Variants in HCLS1 observed in about 807,000 individuals in gnomAD.
HCLS1 encodes hematopoietic cell-specific Lyn substrate 1.
A neutral mutation model predicts 68.6 loss-of-function variants in HCLS1; 44 were observed. The observed-to-expected ratio is 0.64, with a 90% CI of 0.50 to 0.82. HCLS1 has a LOEUF of 0.82. Ranked by LOEUF, HCLS1 falls within the 40% of genes least tolerant of loss-of-function variation. HCLS1 has a pLI of 0.00. For synonymous variants in HCLS1, 217 were observed against 225.8 expected, an observed-to-expected ratio of 0.96 and a Z score of 0.35; for missense variants, 602 against 612.1, an observed-to-expected ratio of 0.98 and a Z score of 0.17.
intron 6 of HCLS1, among the ~76,000 whole-genome samples, chr3:121,640,838 A>C (rs1200063844): frequency 3.3e-5 from 1 of 30,260 alleles, no homozygotes; most frequent in African/African-American, 1.2e-4. Context: ...AGGGGACGGG[A>C]GGGCAGGGCA....
rs759037096 is a variant in HCLS1 at position 121,647,391 on chromosome 3, C to T, written c.216G>A (p.Glu72=). Residue 72 remains glutamate (E), a synonymous_variant, in exon 4 of 14, where the codon GAG becomes GAA. Transcript: ENST00000314583. ...GGGATGCTTTGGGCCCTGACTCCAT[C>T]TCTTTCTTCCTGAGAACATCATGCT... ...SEEHDVLRKK[E]MESGPKASHG... is the part of the protein sequence containing the mutation. 1 of 1,614,120 alleles carries T rather than the reference C, an allele frequency of 6.2e-7. No homozygotes were observed. The highest frequency in any genetic ancestry group is 8.5e-7 in the Non-Finnish European group (1 of 1,179,980).
chr3:121,660,523 A>G (rs1187312155), intron 1 of HCLS1, among the ~76,000 whole-genome samples: 1 of 152,128 alleles, frequency 6.6e-6, no homozygotes, highest in African/African-American at 2.4e-5. Flanking sequence ...CTCAGTACCT[A>G]GGGGAGACAG....
chr3:121,638,163 C>T (rs768390845), intron 6 of HCLS1, among the ~76,000 whole-genome samples: 2 of 152,082 alleles, frequency 1.3e-5, no homozygotes, highest in Non-Finnish European at 1.5e-5. Context: ...TAACCTTGAA[C>T]TCCTGGGGTC....
chr3:121,639,025 GCACACACACA>G (rs368121558), intron 6 of HCLS1, among the ~76,000 whole-genome samples: 8 of 137,144 alleles, frequency 5.8e-5, no homozygotes, highest in South Asian at 2.3e-4. Context: ...ACACACACAC[GCACACACACA>G]CACACACACA....
At chr3:121,635,958 T>C (rs974948363) in intron 8 of HCLS1, among the ~76,000 whole-genome samples, 154 bp from the exon 9 acceptor site, 3 of 152,096 alleles carry the variant, frequency 2.0e-5, no homozygotes, top group African/African-American at 7.2e-5. Flanking sequence ...TGTTTTGTGG[T>C]AGAGAGGGGG....
At chr3:121,636,589 G>C (rs545475747) in intron 7 of HCLS1, 100 bp from the exon 8 acceptor site, 1 of 904,614 alleles carries the variant, frequency 1.1e-6, no homozygotes, top group South Asian at 1.4e-5. Flanking sequence ...GAAAACAAAT[G>C]TAGGAGGAAA....
At chr3:121,640,047 CAAGT>C (rs538039894) in intron 6 of HCLS1, among the ~76,000 whole-genome samples, 20 of 152,080 alleles carry the variant, frequency 1.3e-4, no homozygotes, top group African/African-American at 3.6e-4. Flanking sequence ...AGAAAAAACA[CAAGT>C]AAGTAAGATC....
At chr3:121,642,099 C>A (rs1478982587) in intron 6 of HCLS1, among the ~76,000 whole-genome samples, 23 of 115,418 alleles carry the variant, frequency 2.0e-4, no homozygotes, top group African/African-American at 5.5e-4. Context: ...AAAAAAAAAA[C>A]TTGATCAATA....
intron 6 of HCLS1, among the ~76,000 whole-genome samples, chr3:121,640,951 T>C (rs1253087540): frequency 6.6e-6 from 1 of 151,768 alleles, no homozygotes; most frequent in Non-Finnish European, 1.5e-5. Context: ...AATAATGAAA[T>C]ACAGCTAAAG....
chr3:121,640,804 G>C (rs71329230), intron 6 of HCLS1, among the ~76,000 whole-genome samples: 11 of 112,778 alleles, frequency 9.8e-5, no homozygotes, highest in South Asian at 3.7e-4. Flanking sequence ...GGGGAGGGGA[G>C]GGGAGGGGAG....
Position 121,658,268 on chromosome 3 carries a change from A to G in HCLS1, c.80T>C (p.Phe27Ser). The change falls in exon 2 of 14, where the codon TTT becomes TCT. Residue 27 changes from phenylalanine to serine, a missense_variant. Physicochemically the swap from Phe to Ser is radical, Grantham distance 155. Transcript: ENST00000314583. The part of the protein sequence containing the change: ...QGDDWDTDPD[F>S]VNDISEKEQR... ...CAAAGCTACTTCCAAACTCACCACA[A>G]AGTCAGGATCTGTGTCCCAATCATC... 1 of 1,613,090 alleles carries G rather than the reference A, an allele frequency of 6.2e-7. No individual in the cohort carries two copies. Among genetic ancestry groups the G allele is most frequent in the Non-Finnish European group, 8.5e-7 (1 of 1,179,236 alleles).
intron 1 of HCLS1, among the ~76,000 whole-genome samples, chr3:121,660,080 G>T (rs12493927): frequency 1.3e-5 from 2 of 152,120 alleles, no homozygotes; most frequent in Non-Finnish European, 2.9e-5. Flanking sequence ...CAGACTGGGA[G>T]TCAGAAGCCC....
chr3:121,634,155 C>A (rs2049126580), intron 10 of HCLS1, 52 bp downstream of exon 10: 1 of 1,611,022 alleles, frequency 6.2e-7, no homozygotes. Flanking sequence ...CCCTTAGGCT[C>A]CTGTCTGGGC....
rs1391165578 is a variant in HCLS1, at chr3:121,646,241, T to A, written c.288+1078A>T. On this transcript the variant is annotated intron_variant, in intron 4 of 13. Transcript: ENST00000314583. ...ATATATTTTATATATTTATATATAT[T>A]TTATATATATTTATAAATAAAAATA... 5.8e-4 allele frequency among the ~76,000 whole-genome samples: 63 copies of A among 108,592 alleles called. 1 individual carries two copies. The highest frequency in any genetic ancestry group is 1.2e-4 in the Admixed American group (1 of 8,042). 71.2% of individuals were successfully genotyped at this position (108,592 alleles called of 152,430 possible).
chr3:121,653,837 T>A, intron 3 of HCLS1: 1 of 152,244 alleles, frequency 6.6e-6, no homozygotes, highest in Non-Finnish European at 1.5e-5. Flanking sequence ...CAGGAAGTGC[T>A]GAAAGATTAT....
At chr3:121,651,713 C>T (rs1327967838) in intron 3 of HCLS1, among the ~76,000 whole-genome samples, 1 of 152,158 alleles carries the variant, frequency 6.6e-6, no homozygotes, top group Non-Finnish European at 1.5e-5. Context: ...AGCCACTGCA[C>T]CCAGCTAAAT....
chr3:121,635,404 A>G (rs1054685712), intron 9 of HCLS1, among the ~76,000 whole-genome samples: 5 of 151,778 alleles, frequency 3.3e-5, no homozygotes, highest in Non-Finnish European at 5.9e-5. Flanking sequence ...CAGCCTCCCA[A>G]GTAGCTGGGA....
At chr3:121,653,294 A>T (rs936923642) in intron 3 of HCLS1, among the ~76,000 whole-genome samples, 7 of 152,160 alleles carry the variant, frequency 4.6e-5, no homozygotes, top group Non-Finnish European at 8.8e-5. Flanking sequence ...GCTTTCAAAA[A>T]TTTCAGATTT....
Position 121,642,996 on chromosome 3 carries a change from A to T in HCLS1, c.400-15T>A. On this transcript the variant is annotated splice_polypyrimidine_tract_variant and intron_variant, in intron 5 of 13. Coordinates refer to ENST00000314583, the MANE Select transcript of HCLS1 (RefSeq NM_005335.6). ...CCGACTGCTGACTACAGAGAAGAGG[A>T]GACAGAATTGGTTAGAGTCAGAGCT... 6.2e-7 allele frequency: 1 copy of T among 1,609,942 alleles called. No homozygotes were observed. The highest frequency in any genetic ancestry group is 2.2e-5 in the East Asian group (1 of 44,836).
Sources: allele counts gnomAD v4.1 joint callset (sites outside exome capture counted in the v4.1 genomes callset), GRCh38; gene constraint gnomAD v4.1.1; transcripts MANE v1.5; gene names NCBI Gene and HGNC (gene_info 2026-07-23, HGNC 2026-07-21).